Variants in EPHA3 observed in about 807,000 individuals in gnomAD.
EPHA3 encodes the protein EPH receptor A3.
In EPHA3, 42 loss-of-function variants were observed where a neutral mutation model predicts 107.1. The ratio of observed to expected loss-of-function variants is 0.39; its 90% confidence interval spans 0.31 to 0.51. The LOEUF is 0.51. EPHA3 is among the 20% of genes least tolerant of loss of function. EPHA3 has a pLI of 0.78. For missense variants in EPHA3, 1,183 were observed against 1,211.2 expected (o/e 0.98, Z 0.35); for synonymous variants, 461 against 424.8 (o/e 1.09, Z -1.05).
chr3:89,388,378 A>C (rs17199512), intron 5 of EPHA3, among the ~76,000 whole-genome samples: 2,209 of 152,296 alleles, frequency 0.015, 29 homozygotes, highest in Middle Eastern at 0.031. Flanking sequence ...CAATGCAGTC[A>C]GATAAATAAT....
At chr3:89,310,253 T>A (rs781050942) in intron 3 of EPHA3, among the ~76,000 whole-genome samples, 1 of 152,046 alleles carries the variant, frequency 6.6e-6, no homozygotes, top group Non-Finnish European at 1.5e-5. Flanking sequence ...ATGTGAGTAC[T>A]AATTGTAAGG....
intron 5 of EPHA3, among the ~76,000 whole-genome samples, chr3:89,359,700 A>G (rs1708045711): frequency 6.8e-6 from 1 of 147,024 alleles, no homozygotes; most frequent in Non-Finnish European, 1.5e-5. Context: ...TATACGTTAT[A>G]TATTGTGTGT....
At chr3:89,252,081 G>A (rs938387233) in intron 3 of EPHA3, among the ~76,000 whole-genome samples, 2 of 151,990 alleles carry the variant, frequency 1.3e-5, no homozygotes, top group African/African-American at 4.8e-5. Flanking sequence ...AAATTATAAA[G>A]GAAAAACATG....
At chr3:89,424,377 A>G (rs1357902888) in intron 11 of EPHA3, among the ~76,000 whole-genome samples, 1 of 151,408 alleles carries the variant, frequency 6.6e-6, no homozygotes, top group Admixed American at 6.6e-5. Flanking sequence ...TTCCTGATAA[A>G]GGTATGTAAA....
At chr3:89,473,006 T>A (rs1710437934) in intron 16 of EPHA3, among the ~76,000 whole-genome samples, 1 of 152,218 alleles carries the variant, frequency 6.6e-6, no homozygotes, top group African/African-American at 2.4e-5. Context: ...TACTAAAGCT[T>A]AACATCTGTG....
intron 3 of EPHA3, among the ~76,000 whole-genome samples, chr3:89,327,819 T>A (rs1707199968): frequency 6.6e-6 from 1 of 152,020 alleles, no homozygotes; most frequent in Admixed American, 6.6e-5. Context: ...TATCTGTAAA[T>A]GCCATAAACT....
chr3:89,469,946 T>C (rs1392490842), intron 15 of EPHA3, among the ~76,000 whole-genome samples: 1 of 152,140 alleles, frequency 6.6e-6, no homozygotes, highest in Non-Finnish European at 1.5e-5. Flanking sequence ...TTCAAGTATA[T>C]AAGAAAAATA....
chr3:89,418,678 G>T (rs565824226), intron 10 of EPHA3, among the ~76,000 whole-genome samples: 17 of 151,176 alleles, frequency 1.1e-4, no homozygotes, highest in Non-Finnish European at 2.5e-4. Context: ...TTTTATAGCT[G>T]GTATGTCAGT....
chr3:89,348,282 A>G (rs2107436147), intron 5 of EPHA3, among the ~76,000 whole-genome samples: 1 of 139,830 alleles, frequency 7.2e-6, no homozygotes, highest in East Asian at 2.0e-4. Context: ...GATTATTGCC[A>G]CAATTTCAGC....
chr3:89,324,185 T>A (rs1360489425), intron 3 of EPHA3, among the ~76,000 whole-genome samples: 1 of 150,336 alleles, frequency 6.7e-6, no homozygotes, highest in Non-Finnish European at 1.5e-5. Context: ...TTTTAATTTT[T>A]GAGACAACAT....
chr3:89,460,403 C>T (rs1278505282), intron 15 of EPHA3, among the ~76,000 whole-genome samples: 2 of 151,982 alleles, frequency 1.3e-5, no homozygotes, highest in Non-Finnish European at 2.9e-5. Flanking sequence ...GAACAAGGTT[C>T]TGCAGACCCA....
chr3:89,406,824 C>T (rs1285307009), intron 7 of EPHA3, among the ~76,000 whole-genome samples: 2 of 152,212 alleles, frequency 1.3e-5, no homozygotes, highest in East Asian at 1.9e-4. Context: ...TGTATTATAT[C>T]ACTTTTCAAA....
intron 3 of EPHA3, among the ~76,000 whole-genome samples, chr3:89,320,513 T>C (rs1707017963): frequency 6.6e-6 from 1 of 152,030 alleles, no homozygotes; most frequent in Non-Finnish European, 1.5e-5. Context: ...TGTGTCATCT[T>C]CTAATCCTGG....
chr3:89,449,819 T>G (rs1428442499), intron 14 of EPHA3, among the ~76,000 whole-genome samples: 1 of 152,140 alleles, frequency 6.6e-6, no homozygotes, highest in Non-Finnish European at 1.5e-5. Context: ...GTATAGTAAT[T>G]TTGTCCATAT....
chr3:89,160,000 G>T (rs1472831394), intron 2 of EPHA3, among the ~76,000 whole-genome samples: 1 of 150,858 alleles, frequency 6.6e-6, no homozygotes, highest in Admixed American at 6.6e-5. Context: ...AAAAATAAAA[G>T]AAAAATTATA....
In EPHA3 at chr3:89,481,269, T is replaced by A. The variant is rs1710616582; in HGVS notation, c.*1767T>A. 4.3e-6 allele frequency: 1 copy of A among 232,172 alleles called. No homozygotes were observed. The highest frequency in any genetic ancestry group is 2.2e-5 in the African/African-American group (1 of 45,322). The allele number at this position is 232,172 out of a possible 1,614,324, so 14.4% of individuals were successfully genotyped here. A position where few individuals can be genotyped will look rare whatever the true frequency, so the allele number is the denominator to read the frequency against. On this transcript the variant is annotated 3_prime_UTR_variant, in exon 17 of 17. Coordinates refer to ENST00000336596, the MANE Select transcript of EPHA3 (RefSeq NM_005233.6). ...AAGACTTAGATTGTGCTCCTTCGGA[T>A]ATGATTGTTTCTCAAATCTTGGCAA...
Position 89,399,342 on chromosome 3 carries a change from A to C in EPHA3, c.1456A>C (p.Ile486Leu). 1 of 1,612,900 alleles carries C rather than the reference A, an allele frequency of 6.2e-7. No homozygotes were observed. The highest frequency in any genetic ancestry group is 8.5e-7 in the Non-Finnish European group (1 of 1,179,124). Reference protein sequence around the residue: ...EKQEQETSYTILRARGTNVTI... With the variant: ...EKQEQETSYTLLRARGTNVTI... ...GCAGGAACAAGAAACAAGTTATACC[A>C]TTCTGAGGGCAAGAGGCACAAATGT... Residue 486 changes from isoleucine (I) to leucine (L), a missense_variant, in exon 7 of 17, where the codon ATT becomes CTT. Coordinates refer to ENST00000336596, the MANE Select transcript of EPHA3 (RefSeq NM_005233.6).
At chr3:89,468,718 C>A (rs185623145) in intron 15 of EPHA3, among the ~76,000 whole-genome samples, 115 of 152,172 alleles carry the variant, frequency 7.6e-4, no homozygotes, top group African/African-American at 2.7e-3. Flanking sequence ...CTATTCTTAT[C>A]AATTTTTTAG....
chr3:89,128,948 G>A (rs1704145890), intron 2 of EPHA3, among the ~76,000 whole-genome samples: 1 of 152,044 alleles, frequency 6.6e-6, no homozygotes, highest in Non-Finnish European at 1.5e-5. Context: ...CTATGTTGGA[G>A]GTAGACAGTG....
Sources: allele counts gnomAD v4.1 joint callset (sites outside exome capture counted in the v4.1 genomes callset), GRCh38; gene constraint gnomAD v4.1.1; transcripts MANE v1.5; gene names NCBI Gene and HGNC (gene_info 2026-07-23, HGNC 2026-07-21).